The following VGLL4 variants were observed in gnomAD, a reference collection of about 807,000 sequenced individuals.
The protein encoded by VGLL4 is transcription cofactor vestigial-like protein 4.
A neutral mutation model predicts 21.0 loss-of-function variants in VGLL4; 7 were observed. The ratio of observed to expected loss-of-function variants is 0.33; its 90% CI spans 0.19 to 0.63. The LOEUF (loss-of-function observed/expected upper bound fraction) is 0.63, where lower values mean the gene tolerates loss of function less well. Among genes scored for constraint, VGLL4 ranks in the 20% least tolerant of loss-of-function variants. The probability of loss-of-function intolerance (pLI) is 0.78; values close to 1 mark genes in which losing one functional copy is unlikely to be tolerated. For synonymous variants in VGLL4, 222 were observed against 173.2 expected (o/e 1.28, Z -2.21); for missense variants, 394 against 425.7 (o/e 0.93, Z 0.66).
chr3:11,626,852 A>C (rs2075360185), intron 1 of VGLL4, among the ~76,000 whole-genome samples: 1 of 151,090 alleles, frequency 6.6e-6, no homozygotes, highest in South Asian at 2.1e-4. Context: ...AGGATCTCAA[A>C]TCATGTGCAC....
At chr3:11,713,938 G>A (rs1022212413) in intron 1 of VGLL4, among the ~76,000 whole-genome samples, 1 of 152,142 alleles carries the variant, frequency 6.6e-6, no homozygotes, top group Non-Finnish European at 1.5e-5. Flanking sequence ...CAGGGCTTGA[G>A]TCTATAGGAC....
intron 2 of VGLL4, among the ~76,000 whole-genome samples, chr3:11,661,574 G>A (rs914995829): frequency 2.0e-5 from 3 of 151,884 alleles, no homozygotes; most frequent in Non-Finnish European, 2.9e-5. Context: ...GGGTTCAAGC[G>A]ATTCTCCTGC....
intron 2 of VGLL4, among the ~76,000 whole-genome samples, chr3:11,680,953 G>C (rs1288481327): frequency 6.6e-6 from 1 of 152,182 alleles, no homozygotes; most frequent in Non-Finnish European, 1.5e-5. Flanking sequence ...CGATTTCAAT[G>C]GGAGCCTCCC....
In VGLL4 at chr3:11,559,202, C is replaced by G. The variant is rs2072734098; in HGVS notation, c.619+130G>C. 2.1e-6 allele frequency: 3 copies of G among 1,409,606 alleles called. No homozygotes were observed. In the African/African-American group the frequency reaches 4.4e-5, roughly 20 times the overall value. The allele number at this position is 1,409,606 out of a possible 1,614,324, so 87.3% of individuals were successfully genotyped here. On this transcript the variant is annotated intron_variant, in intron 4 of 4. Coordinates refer to ENST00000430365, the MANE Select transcript of VGLL4 (RefSeq NM_001128219.3). ...ACGCTAGGCGCACACTGGACGTGCT[C>G]AAGAAATACTTTTTCAACCTCAGCA... is the stretch of plus-strand genomic sequence containing the variant.
chr3:11,652,929 A>G (rs2075898056), intron 2 of VGLL4, among the ~76,000 whole-genome samples: 1 of 152,238 alleles, frequency 6.6e-6, no homozygotes, highest in South Asian at 2.1e-4. Context: ...AGTAAGTCCC[A>G]TTCAAAGAAC....
intron 1 of VGLL4, among the ~76,000 whole-genome samples, chr3:11,705,252 G>A (rs956168109): frequency 7.9e-5 from 12 of 152,216 alleles, no homozygotes; most frequent in Admixed American, 6.5e-4. Flanking sequence ...GCTGAGCGCA[G>A]GGCGGACAAC....
chr3:11,676,418 ATAAT>A (rs2076293851), intron 2 of VGLL4, among the ~76,000 whole-genome samples: 1 of 34,214 alleles, frequency 2.9e-5, no homozygotes, highest in Admixed American at 3.3e-4. Context: ...AAATAAAATA[ATAAT>A]AATAATAATA....
intron 2 of VGLL4, among the ~76,000 whole-genome samples, chr3:11,573,443 G>A (rs1384996917): frequency 2.6e-5 from 4 of 152,184 alleles, no homozygotes; most frequent in African/African-American, 9.7e-5. Flanking sequence ...TCCTGGTGCT[G>A]GGGACAGGGC....
At chr3:11,659,580 C>T (rs57361276) in intron 2 of VGLL4, among the ~76,000 whole-genome samples, 162 of 151,702 alleles carry the variant, frequency 1.1e-3, no homozygotes, top group African/African-American at 3.6e-3. Flanking sequence ...TGATCCCCCC[C>T]GGCTCGGCCT....
In VGLL4 at chr3:11,564,986, G is replaced by C. The variant is rs140884716; in HGVS notation, c.306C>G (p.Asp102Glu). 2.6e-6 allele frequency: 4 copies of C among 1,527,026 alleles called. No homozygotes were observed. Among genetic ancestry groups the C allele is most frequent in the Non-Finnish European group, 3.5e-6 (4 of 1,138,570 alleles). 94.6% of individuals were successfully genotyped at this position (1,527,026 alleles called of 1,614,324 possible). A position where few individuals can be genotyped will look rare whatever the true frequency, so the allele number is the denominator to read the frequency against. Residue 102 changes from aspartate (D) to glutamate (E), a missense_variant, in exon 3 of 5, where the codon GAC becomes GAG. Coordinates refer to ENST00000430365, the MANE Select transcript of VGLL4 (RefSeq NM_001128219.3). ...TGGGGCTGCGGCTCCGCTCCCGGGG[G>C]TCTCTGCGGCAGTCTCCATTGGCAG... ...NKTANGDCRR[D>E]PRERSRSPIE...
chr3:11,691,641 T>C (rs1426263708), intron 2 of VGLL4, among the ~76,000 whole-genome samples: 1 of 152,138 alleles, frequency 6.6e-6, no homozygotes, highest in East Asian at 1.9e-4. Flanking sequence ...CTGCTCCCTA[T>C]AGTCTTACAG....
At chr3:11,702,455 C>CAAAAA (rs56189603) in intron 2 of VGLL4, among the ~76,000 whole-genome samples, 30 of 96,148 alleles carry the variant, frequency 3.1e-4, no homozygotes, top group Admixed American at 5.0e-4. Context: ...ACTAAAAATA[C>CAAAAA]AAAAAAAAAA....
chr3:11,613,275 C>T (rs1219978634), intron 1 of VGLL4, among the ~76,000 whole-genome samples: 1 of 152,154 alleles, frequency 6.6e-6, no homozygotes, highest in Non-Finnish European at 1.5e-5. Flanking sequence ...CTACCATCTG[C>T]ATTTTCAAGA....
At chr3:11,623,318 TG>T (rs2075298712) in intron 1 of VGLL4, among the ~76,000 whole-genome samples, 4 of 152,202 alleles carry the variant, frequency 2.6e-5, no homozygotes, top group Admixed American at 2.0e-4. Flanking sequence ...AGTCATCCTT[TG>T]GTATATATAC....
At chr3:11,590,906 A>T (rs1368729207) in intron 2 of VGLL4, among the ~76,000 whole-genome samples, 1 of 152,188 alleles carries the variant, frequency 6.6e-6, no homozygotes, top group African/African-American at 2.4e-5. Flanking sequence ...CACCTAGCCA[A>T]ATTTGTTAGC....
intron 2 of VGLL4, among the ~76,000 whole-genome samples, chr3:11,668,223 G>A (rs974162312): frequency 2.2e-4 from 33 of 151,730 alleles, no homozygotes; most frequent in African/African-American, 7.5e-4. Flanking sequence ...AATAAATAAA[G>A]AGCAAACAAA....
At position 11,643,893 on chromosome 3, in the gene VGLL4, G is replaced by C. The variant is rs1341972637; in HGVS notation, c.-375C>G. On this transcript the variant is annotated 5_prime_UTR_variant, in exon 1 of 5. Coordinates refer to ENST00000430365, the MANE Select transcript of VGLL4 (RefSeq NM_001128219.3). Reference sequence around the variant, plus strand: ...CCCCTCTCACAGCCCGCTGCAAGCCGGCAGCGCTGACATGAGGGCTATGCT... The same window carrying C: ...CCCCTCTCACAGCCCGCTGCAAGCCCGCAGCGCTGACATGAGGGCTATGCT... 2 of 1,029,056 alleles carry C rather than the reference G, an allele frequency of 1.9e-6. No individual in the cohort carries two copies. The highest frequency in any genetic ancestry group is 2.3e-6 in the Non-Finnish European group (2 of 857,012). 63.7% of individuals were successfully genotyped at this position (1,029,056 alleles called of 1,614,324 possible). A position where few individuals can be genotyped will look rare whatever the true frequency, so the allele number is the denominator to read the frequency against.
chr3:11,566,393 T>C (rs1274280533), intron 2 of VGLL4, among the ~76,000 whole-genome samples: 1 of 152,220 alleles, frequency 6.6e-6, no homozygotes, highest in Non-Finnish European at 1.5e-5. Context: ...ATATCGACAA[T>C]GAGACAACTA....
At chr3:11,584,731 CT>C (rs1274852013) in intron 2 of VGLL4, among the ~76,000 whole-genome samples, 2 of 151,476 alleles carry the variant, frequency 1.3e-5, no homozygotes, top group Admixed American at 1.3e-4. Flanking sequence ...AAAGGGGCAA[CT>C]TACTGGAAAG....
Sources: allele counts gnomAD v4.1 joint callset (sites outside exome capture counted in the v4.1 genomes callset), GRCh38; gene constraint gnomAD v4.1.1; transcripts MANE v1.5; gene names NCBI Gene and HGNC (gene_info 2026-07-23, HGNC 2026-07-21).